Variants in PPP2R1A observed in about 807,000 individuals in gnomAD.
The protein encoded by PPP2R1A is serine/threonine-protein phosphatase 2A 65 kDa regulatory subunit A alpha isoform.
PPP2R1A carries 15 observed loss-of-function variants against 67.1 expected under a neutral mutation model. The observed-to-expected ratio is 0.22, with a 90% CI of 0.15 to 0.34. The LOEUF is 0.34. Among genes scored for constraint, PPP2R1A ranks in the 10% least tolerant of loss-of-function variants. PPP2R1A has a pLI of 1.00. For synonymous variants in PPP2R1A, 337 were observed against 325.0 expected (o/e 1.04, Z -0.40); for missense variants, 369 against 775.0 (o/e 0.48, Z 6.22).
chr19:52,201,811 C>A, intron 1 of PPP2R1A, 133 bp from the exon 2 acceptor site: 1 of 733,094 alleles, frequency 1.4e-6, no homozygotes. Flanking sequence ...TGGGTGTTTG[C>A]CAAATTACTC....
Position 52,221,022 on chromosome 19 carries a change from A to C in PPP2R1A, c.1407A>C (p.Leu469=). The change falls in exon 12 of 15, where the codon CTA becomes CTC. Residue 469 remains leucine (L), a synonymous_variant. Transcript: ENST00000322088. The stretch of plus-strand genomic sequence containing the variant: ...CAGCCACCAGCAACCTGAAGAAGCT[A>C]GTGGAAAAGTTTGGGAAGGAGTGGG... The part of the protein sequence containing the change: ...REAATSNLKK[L]VEKFGKEWAH... 1 of 1,614,160 alleles carries C rather than the reference A, an allele frequency of 6.2e-7. No individual in the cohort carries two copies. Among genetic ancestry groups the C allele is most frequent in the South Asian group, 1.1e-5 (1 of 91,086 alleles).
rs927904621 is a variant in PPP2R1A at position 52,229,061 on chromosome 19, G to T, written c.*3080G>T. The T allele has an allele frequency of 6.6e-6, 1 of 152,184 alleles. No individual in the cohort carries two copies. The highest frequency in any genetic ancestry group is 1.5e-5 in the Non-Finnish European group (1 of 68,070). The allele number at this position is 152,184 out of a possible 1,614,324, so 9.4% of individuals were successfully genotyped here. ...TCAGCCCCGAGGAGTGAACTGCAGG[G>T]CACCGACAAGATTCTGCCTGTGGCC... On this transcript the variant is annotated 3_prime_UTR_variant, in exon 15 of 15. Coordinates refer to ENST00000322088, the MANE Select transcript of PPP2R1A (RefSeq NM_014225.6).
intron 12 of PPP2R1A, among the ~76,000 whole-genome samples, chr19:52,221,427 T>C (rs1401569174): frequency 1.3e-5 from 2 of 152,164 alleles, no homozygotes; most frequent in Admixed American, 1.3e-4. Flanking sequence ...TCTCCTTCCC[T>C]GAGAAATGTG....
rs1035262263 is a variant in PPP2R1A at position 52,229,453 on chromosome 19, T to A, written c.*3472T>A. 1 of 151,886 alleles carries A rather than the reference T, an allele frequency of 6.6e-6. No individual in the cohort carries two copies. Among genetic ancestry groups the A allele is most frequent in the African/African-American group, 2.4e-5 (1 of 41,270 alleles). The allele number at this position is 151,886 out of a possible 1,614,324, so 9.4% of individuals were successfully genotyped here. ...GAGCAAGACCCCATATGAAAAAAAATAATAATTCAGGAACTTGTCAAAAAG... is the reference window on the plus strand; with the variant it reads ...GAGCAAGACCCCATATGAAAAAAAAAAATAATTCAGGAACTTGTCAAAAAG... On this transcript the variant is annotated 3_prime_UTR_variant, in exon 15 of 15. Coordinates refer to ENST00000322088, the MANE Select transcript of PPP2R1A (RefSeq NM_014225.6).
chr19:52,202,117 A>C, intron 2 of PPP2R1A, 83 bp downstream of exon 2: 1 of 1,223,820 alleles, frequency 8.2e-7, no homozygotes, highest in East Asian at 2.3e-5. Context: ...TTGTGGATTT[A>C]ACATATTGTT....
chr19:52,199,691 G>A (rs2089529176), intron 1 of PPP2R1A, among the ~76,000 whole-genome samples: 1 of 152,194 alleles, frequency 6.6e-6, no homozygotes, highest in South Asian at 2.1e-4. Context: ...TTGCAAAGCT[G>A]AAAATAATTA....
At chr19:52,214,383 G>A (rs1600169170) in intron 6 of PPP2R1A, among the ~76,000 whole-genome samples, 1 of 152,116 alleles carries the variant, frequency 6.6e-6, no homozygotes, top group East Asian at 1.9e-4. Flanking sequence ...TCAGAATAGC[G>A]TACCATCACC....
At chr19:52,196,815 T>G (rs1453924301) in intron 1 of PPP2R1A, among the ~76,000 whole-genome samples, 2 of 152,114 alleles carry the variant, frequency 1.3e-5, no homozygotes, top group Non-Finnish European at 2.9e-5. Flanking sequence ...CCAGGTTACC[T>G]CAGGTCCCCA....
rs187085703 is a variant in PPP2R1A, at chr19:52,228,177, T to C, written c.*2196T>C. 2.0e-4 allele frequency: 31 copies of C among 152,270 alleles called. No homozygotes were observed. Among genetic ancestry groups the C allele is most frequent in the African/African-American group, 7.5e-4 (31 of 41,476 alleles). The allele number at this position is 152,270 out of a possible 1,614,324, so 9.4% of individuals were successfully genotyped here. On this transcript the variant is annotated 3_prime_UTR_variant, in exon 15 of 15. Coordinates refer to ENST00000322088, the MANE Select transcript of PPP2R1A (RefSeq NM_014225.6). ...TCAGGGATATGTTGAGGCTGCTAGATTGGGCAAGTGATGGAATGGGATTAT... is the reference window on the plus strand; with the variant it reads ...TCAGGGATATGTTGAGGCTGCTAGACTGGGCAAGTGATGGAATGGGATTAT...
intron 13 of PPP2R1A, among the ~76,000 whole-genome samples, chr19:52,224,295 C>G (rs2122377042): frequency 6.6e-6 from 1 of 152,326 alleles, no homozygotes; most frequent in East Asian, 1.9e-4. Flanking sequence ...AAGTCCCCCT[C>G]CGTTTTCCAA....
At chr19:52,208,508 A>G (rs1015349131) in intron 3 of PPP2R1A, among the ~76,000 whole-genome samples, 1 of 140,348 alleles carries the variant, frequency 7.1e-6, no homozygotes, top group African/African-American at 2.7e-5. Flanking sequence ...TTTTATTTTT[A>G]TTTTTCTTTG....
intron 1 of PPP2R1A, 154 bp downstream of exon 1, chr19:52,190,328 C>T (rs112000537): frequency 1.2e-6 from 1 of 865,460 alleles, no homozygotes; most frequent in African/African-American, 1.7e-5. Flanking sequence ...GCCCGGACTC[C>T]TTGAGACGGC....
rs1035782381 is a variant in PPP2R1A, at chr19:52,213,787, C to T, written c.807+677C>T. Reference sequence around the variant, plus strand: ...AGGTGTTAGCCACCGCGCCCAGCCCCGGAAAGTTTAATTAACTGATCAGAG... The same window carrying T: ...AGGTGTTAGCCACCGCGCCCAGCCCTGGAAAGTTTAATTAACTGATCAGAG... On this transcript the variant is annotated intron_variant, in intron 6 of 14. Transcript: ENST00000322088. The surrounding 1 kb of genome is among the most constrained non-coding windows in gnomAD (Gnocchi z 4.2). Among the ~76,000 whole-genome samples, 7 of 151,874 alleles carry T rather than the reference C, an allele frequency of 4.6e-5. No individual in the cohort carries two copies. Among genetic ancestry groups the T allele is most frequent in the African/African-American group, 1.2e-4 (5 of 41,308 alleles).
At chr19:52,190,743 G>A (rs2089446376) in intron 1 of PPP2R1A, among the ~76,000 whole-genome samples, 1 of 152,214 alleles carries the variant, frequency 6.6e-6, no homozygotes, top group Non-Finnish European at 1.5e-5. Context: ...CACCAAAGGT[G>A]GGGACTAGCC....
chr19:52,205,948 G>T lies in PPP2R1A; in HGVS notation c.170-15G>T, dbSNP rs1366167846. 1 of 1,608,112 alleles carries T rather than the reference G, an allele frequency of 6.2e-7. No homozygotes were observed. The highest frequency in any genetic ancestry group is 2.2e-5 in the East Asian group (1 of 44,834). ...TTGAGATGGGATAGTCACGAAGTCT[G>T]TCTTGGTTCCACAGATACCATCTAT... On this transcript the variant is annotated splice_polypyrimidine_tract_variant and intron_variant, in intron 2 of 14. Coordinates refer to ENST00000322088, the MANE Select transcript of PPP2R1A (RefSeq NM_014225.6).
chr19:52,190,243 A>G (rs955463850), intron 1 of PPP2R1A, 69 bp downstream of exon 1: 14 of 1,505,412 alleles, frequency 9.3e-6, no homozygotes, highest in Admixed American at 2.1e-5. Flanking sequence ...GCCCTCGCGG[A>G]GAAGACTCAG....
At chr19:52,202,140 C>T in intron 2 of PPP2R1A, 106 bp downstream of exon 2, 1 of 971,158 alleles carries the variant, frequency 1.0e-6, no homozygotes, top group Non-Finnish European at 1.6e-6. Flanking sequence ...TGAATATCTG[C>T]CCTGTGTTAG....
chr19:52,211,683 C>A lies in PPP2R1A; in HGVS notation c.503+191C>A. ...GGACACGGCCACGTGTCAGTTTACCCACCTCTGCCCCCTTGCTCACTTAGG... is the reference window on the plus strand; with the variant it reads ...GGACACGGCCACGTGTCAGTTTACCAACCTCTGCCCCCTTGCTCACTTAGG... On this transcript the variant is annotated intron_variant, in intron 4 of 14. Coordinates refer to ENST00000322088, the MANE Select transcript of PPP2R1A (RefSeq NM_014225.6). This position sits in a 1 kb window ranked among gnomAD's most constrained non-coding sequence, Gnocchi z 5.3. 1.6e-6 allele frequency: 1 copy of A among 611,228 alleles called. No individual in the cohort carries two copies. Among genetic ancestry groups the A allele is most frequent in the Non-Finnish European group, 2.9e-6 (1 of 349,596 alleles). 37.9% of individuals were successfully genotyped at this position (611,228 alleles called of 1,614,324 possible).
chr19:52,206,153 G>C (rs1356340935), intron 3 of PPP2R1A, 90 bp downstream of exon 3: 1 of 1,151,874 alleles, frequency 8.7e-7, no homozygotes, highest in Non-Finnish European at 1.3e-6. Context: ...GCGTGTCAGA[G>C]AGCGTGGGGA....
Sources: allele counts gnomAD v4.1 joint callset (sites outside exome capture counted in the v4.1 genomes callset), GRCh38; gene constraint gnomAD v4.1.1; non-coding constraint Gnocchi (gnomAD v3.1); transcripts MANE v1.5; gene names NCBI Gene and HGNC (gene_info 2026-07-23, HGNC 2026-07-21).